GALNT18: variants seen among roughly 807,000 people sequenced by gnomAD.
The protein encoded by GALNT18 is polypeptide N-acetylgalactosaminyltransferase 18, also known as GalNAc-transferase 18.
Under a neutral mutation model 69.5 loss-of-function variants are expected in GALNT18, and 44 were observed. The ratio of observed to expected loss-of-function variants is 0.63; its 90% confidence interval spans 0.50 to 0.81. GALNT18 has a LOEUF of 0.81. Ranked by LOEUF, GALNT18 falls within the 40% of genes least tolerant of loss-of-function variation. The pLI is 0.00. For missense variants in GALNT18, 715 were observed against 810.0 expected (o/e 0.88, Z 1.42); for synonymous variants, 364 against 318.2 (o/e 1.14, Z -1.53).
At chr11:11,472,060 A>G (rs1856285440) in intron 1 of GALNT18, among the ~76,000 whole-genome samples, 1 of 152,230 alleles carries the variant, frequency 6.6e-6, no homozygotes, top group Admixed American at 6.5e-5. Flanking sequence ...CTTGCAAGAT[A>G]AGTAGGTTTC....
chr11:11,433,265 C>T (rs1414791396), intron 2 of GALNT18, among the ~76,000 whole-genome samples: 1 of 152,248 alleles, frequency 6.6e-6, no homozygotes, highest in African/African-American at 2.4e-5. Context: ...CTTCCCTTTA[C>T]TCCAGAAGGC....
chr11:11,570,647 T>G (rs939403577), intron 1 of GALNT18, among the ~76,000 whole-genome samples: 2 of 152,240 alleles, frequency 1.3e-5, no homozygotes, highest in African/African-American at 4.8e-5. Flanking sequence ...ATTTCCCTAC[T>G]TACACCTTGT....
chr11:11,473,470 T>TTAATGCTG (rs1194898556), intron 1 of GALNT18, among the ~76,000 whole-genome samples: 4 of 152,200 alleles, frequency 2.6e-5, no homozygotes, highest in African/African-American at 4.8e-5. Context: ...CAAGATCCGA[T>TTAATGCTG]TAATGCTGTA....
intron 1 of GALNT18, among the ~76,000 whole-genome samples, chr11:11,575,948 A>C (rs534379858): frequency 1.3e-5 from 2 of 152,224 alleles, no homozygotes; most frequent in African/African-American, 4.8e-5. Flanking sequence ...AATAGTCACA[A>C]TCTCACTGCT....
chr11:11,566,088 G>A (rs1858644222), intron 1 of GALNT18, among the ~76,000 whole-genome samples: 1 of 152,126 alleles, frequency 6.6e-6, no homozygotes, highest in Non-Finnish European at 1.5e-5. Flanking sequence ...CATAAGTTAG[G>A]GATCACATAT....
intron 1 of GALNT18, among the ~76,000 whole-genome samples, chr11:11,473,223 T>A (rs1307628100): frequency 6.6e-6 from 1 of 152,246 alleles, no homozygotes; most frequent in Non-Finnish European, 1.5e-5. Context: ...ATAGGGCTAC[T>A]GTCACTTATT....
intron 2 of GALNT18, among the ~76,000 whole-genome samples, chr11:11,433,866 C>T (rs1031943614): frequency 6.6e-6 from 1 of 152,134 alleles, no homozygotes. Flanking sequence ...GTCCCAGGCC[C>T]TGGGTTTGGA....
chr11:11,471,654 T>C (rs1489803088), intron 1 of GALNT18, among the ~76,000 whole-genome samples: 2 of 152,106 alleles, frequency 1.3e-5, no homozygotes, highest in Admixed American at 1.3e-4. Flanking sequence ...GCACACAAAG[T>C]AAAAATAAGA....
intron 9 of GALNT18, among the ~76,000 whole-genome samples, chr11:11,316,685 A>C (rs2403513): frequency 1.6e-4 from 24 of 152,006 alleles, no homozygotes; most frequent in Non-Finnish European, 1.3e-4. Context: ...GCACTCCCCC[A>C]AAAACCCTGT....
intron 3 of GALNT18, among the ~76,000 whole-genome samples, chr11:11,392,742 C>T (rs900830072): frequency 8.5e-5 from 13 of 152,176 alleles, no homozygotes; most frequent in Admixed American, 7.2e-4. Flanking sequence ...ACACACAATC[C>T]CCATTCAATC....
chr11:11,608,898 C>T (rs1238536006), intron 1 of GALNT18, among the ~76,000 whole-genome samples: 1 of 152,210 alleles, frequency 6.6e-6, no homozygotes, highest in Non-Finnish European at 1.5e-5. Context: ...CCTCCTCATT[C>T]TTCAAAGATG....
At position 11,379,072 on chromosome 11, in the gene GALNT18, G is replaced by A; in HGVS notation, c.779+9C>T. On this transcript the variant is annotated intron_variant, in intron 4 of 10. Transcript: ENST00000227756. The stretch of plus-strand genomic sequence containing the variant: ...TGGGACTCCTCCTCCTCTCCCAAGG[G>A]GCACTTACCAGCCCACATTGAACTC... The A allele has an allele frequency of 6.3e-7, 1 of 1,581,244 alleles. No homozygotes were observed. The highest frequency in any genetic ancestry group is 8.6e-7 in the Non-Finnish European group (1 of 1,168,516).
intron 3 of GALNT18, among the ~76,000 whole-genome samples, chr11:11,400,402 T>A (rs143384265): frequency 9.5e-4 from 145 of 152,334 alleles, no homozygotes; most frequent in African/African-American, 3.3e-3. Flanking sequence ...TTCCTTCATA[T>A]CCTTGAGGAA....
chr11:11,325,035 A>G lies in GALNT18; in HGVS notation c.1512+2051T>C, dbSNP rs936377936. 3.3e-5 allele frequency among the ~76,000 whole-genome samples: 5 copies of G among 152,264 alleles called. No individual in the cohort carries two copies. In the South Asian group the frequency reaches 1.0e-3, roughly 32 times the overall value. On this transcript the variant is annotated intron_variant, in intron 9 of 10. Coordinates refer to ENST00000227756, the MANE Select transcript of GALNT18 (RefSeq NM_198516.3). ...TACCCAAAGGAAAAGAAGTCATTAT[A>G]TGAAAAAGATGCATGCACATGCATG...
At position 11,465,505 on chromosome 11, in the gene GALNT18, G is replaced by T. The variant is rs976717950; in HGVS notation, c.236-16569C>A. Among the ~76,000 whole-genome samples the T allele has an allele frequency of 7.2e-5, 11 of 152,236 alleles. No individual in the cohort carries two copies. The highest frequency in any genetic ancestry group is 1.6e-4 in the Non-Finnish European group (11 of 68,010). On this transcript the variant is annotated intron_variant, in intron 1 of 10. Transcript: ENST00000227756. This position sits in a 1 kb window ranked among gnomAD's most constrained non-coding sequence, Gnocchi z 5.7. ...GATCCGTATCCATGGCAGCTCAGTA[G>T]CCACAGAAGCCAAAGCCACCTGGCC...
chr11:11,572,304 T>A (rs1858811277), intron 1 of GALNT18, among the ~76,000 whole-genome samples: 1 of 152,220 alleles, frequency 6.6e-6, no homozygotes, highest in Admixed American at 6.5e-5. Context: ...TGGGTGGCTT[T>A]CAGGGATCAA....
chr11:11,483,401 T>C (rs1379034127), intron 1 of GALNT18, among the ~76,000 whole-genome samples: 4 of 152,206 alleles, frequency 2.6e-5, no homozygotes, highest in African/African-American at 9.6e-5. Flanking sequence ...CCTCATCACA[T>C]GGGGAACTAT....
intron 1 of GALNT18, among the ~76,000 whole-genome samples, chr11:11,509,578 G>A (rs1460771654): frequency 6.6e-6 from 1 of 152,182 alleles, no homozygotes; most frequent in Admixed American, 6.5e-5. Flanking sequence ...ACTGAACAAT[G>A]GAGAGAAAGC....
At chr11:11,352,242 A>G (rs764083336) in intron 6 of GALNT18, 3 of 1,614,072 alleles carry the variant, frequency 1.9e-6, no homozygotes, top group African/African-American at 1.3e-5. Flanking sequence ...CTCAGGGCTG[A>G]CAAGGTGCTG....
Sources: allele counts gnomAD v4.1 joint callset (sites outside exome capture counted in the v4.1 genomes callset), GRCh38; gene constraint gnomAD v4.1.1; non-coding constraint Gnocchi (gnomAD v3.1); transcripts MANE v1.5; gene names NCBI Gene and HGNC (gene_info 2026-07-23, HGNC 2026-07-21).